WASHC2A: variants seen among roughly 807,000 people sequenced by gnomAD.
WASHC2A encodes WASH complex subunit 2A, also known as WASH complex subunit FAM21A.
In WASHC2A, 82 loss-of-function variants were observed where a neutral mutation model predicts 140.3. The ratio of observed to expected loss-of-function variants is 0.58; its 90% CI spans 0.49 to 0.70. The LOEUF is 0.70. Ranked by LOEUF, WASHC2A falls within the 30% of genes least tolerant of loss-of-function variation. The pLI is 0.00. For synonymous variants in WASHC2A, 340 were observed against 560.8 expected, an observed-to-expected ratio of 0.61 and a Z score of 5.56; for missense variants, 985 against 1,521.8, an observed-to-expected ratio of 0.65 and a Z score of 5.87.
intron 8 of WASHC2A, 114 bp from the exon 9 acceptor site, chr10:50,090,662 A>T (rs1839850528): frequency 2.2e-6 from 2 of 908,174 alleles, no homozygotes; most frequent in Admixed American, 3.9e-5. Context: ...CATCATGTTT[A>T]TGATTATTAT....
chr10:50,092,343 G>A, intron 11 of WASHC2A, 110 bp downstream of exon 11: 7 of 1,426,154 alleles, frequency 4.9e-6, no homozygotes, highest in Non-Finnish European at 6.7e-6. Flanking sequence ...CTGACAAATG[G>A]GTCTGTCTCC....
chr10:50,083,648 C>T (rs1839125389), intron 5 of WASHC2A, among the ~76,000 whole-genome samples: 1 of 116,512 alleles, frequency 8.6e-6, no homozygotes, highest in Non-Finnish European at 1.7e-5. Flanking sequence ...ACACTGTTTC[C>T]TGGGTTCAAG....
chr10:50,132,523 T>A (rs2133145476), intron 30 of WASHC2A, among the ~76,000 whole-genome samples: 1 of 152,376 alleles, frequency 6.6e-6, no homozygotes, highest in East Asian at 1.9e-4. Context: ...TGGGCTGGTT[T>A]GGAGATCAAG....
At chr10:50,072,324 G>A (rs1237960696) in intron 3 of WASHC2A, among the ~76,000 whole-genome samples, 6 of 151,770 alleles carry the variant, frequency 4.0e-5, no homozygotes, top group African/African-American at 1.5e-4. Flanking sequence ...GCTGGTTGCC[G>A]CTGCCAAATC....
At chr10:50,103,063 T>G (rs1309578261) in intron 17 of WASHC2A, among the ~76,000 whole-genome samples, 1 of 149,496 alleles carries the variant, frequency 6.7e-6, no homozygotes, top group Non-Finnish European at 1.5e-5. Flanking sequence ...TAATATAGGC[T>G]GGTCTTGAAC....
At chr10:50,128,789 A>G (rs1251398468) in intron 28 of WASHC2A, among the ~76,000 whole-genome samples, 5 of 152,320 alleles carry the variant, frequency 3.3e-5, no homozygotes, top group African/African-American at 1.2e-4. Flanking sequence ...TTTGGAAACT[A>G]TCATAAATAC....
Position 50,118,022 on chromosome 10 carries a change from A to T in WASHC2A, c.2259A>T (p.Leu753Phe). 6.2e-7 allele frequency: 1 copy of T among 1,607,316 alleles called. No homozygotes were observed. The highest frequency in any genetic ancestry group is 8.5e-7 in the Non-Finnish European group (1 of 1,177,230). ...AGGTTGAGAGTGCCAAGGAGTCATT[A>T]AAATTTGGGAGAACTGATGTGGCTG... ...DKKVESAKESLKFGRTDVAES... is the reference protein window; with the variant it reads ...DKKVESAKESFKFGRTDVAES... The change falls in exon 22 of 31, where the codon TTA becomes TTT. Residue 753 changes from leucine to phenylalanine, a missense_variant. Leu to Phe is a conservative substitution (Grantham distance 22, BLOSUM62 0). Transcript: ENST00000282633.
chr10:50,102,316 G>A (rs1425673036), intron 17 of WASHC2A, among the ~76,000 whole-genome samples: 1 of 152,208 alleles, frequency 6.6e-6, no homozygotes, highest in Admixed American at 6.5e-5. Flanking sequence ...TGAGGCTGAA[G>A]CTTGCCCTGT....
chr10:50,078,732 G>A lies in WASHC2A; in HGVS notation c.349G>A (p.Glu117Lys). Residue 117 changes from glutamate (E) to lysine (K), a missense_variant, in exon 4 of 31, where the codon GAG becomes AAG. Coordinates refer to ENST00000282633, the MANE Select transcript of WASHC2A (RefSeq NM_001005751.3). ...ACTCAAGGCTGAGGCAGAAAAAACA[G>A]AGCAGGTACTTGTATAAAATCACTC... Reference protein sequence around the residue: ...PVLKAEAEKTEQEKTREQKEV... With the variant: ...PVLKAEAEKTKQEKTREQKEV... The A allele has an allele frequency of 3.7e-6, 6 of 1,611,922 alleles. No homozygotes were observed. The highest frequency in any genetic ancestry group is 1.1e-5 in the South Asian group (1 of 90,978).
At position 50,067,996 on chromosome 10, in the gene WASHC2A, G is replaced by C; in HGVS notation, c.-10G>C. The C allele has an allele frequency of 6.2e-7, 1 of 1,606,432 alleles. No homozygotes were observed. Among genetic ancestry groups the C allele is most frequent in the Non-Finnish European group, 8.5e-7 (1 of 1,177,752 alleles). ...GGCAGCTTCGGAGCCCACCGAGCCG[G>C]GCGGCTAGGATGGTGAGGGCGCCGG... On this transcript the variant is annotated 5_prime_UTR_variant, in exon 1 of 31. Coordinates refer to ENST00000282633, the MANE Select transcript of WASHC2A (RefSeq NM_001005751.3).
In WASHC2A at chr10:50,129,780, C is replaced by A; in HGVS notation, c.3449C>A (p.Pro1150His). The part of the protein sequence containing the change: ...TGSQSVERTK[P>H]KAKIAENPAN... Reference sequence around the variant, plus strand: ...TCTCAGTCTGTGGAGAGAACAAAACCCAAGGCAAAGATAGCAGAGAATCCT... The same window carrying A: ...TCTCAGTCTGTGGAGAGAACAAAACACAAGGCAAAGATAGCAGAGAATCCT... Residue 1150 changes from proline to histidine, a missense_variant, in exon 29 of 31, where the codon CCC becomes CAC. Physicochemically the swap from Pro to His is moderately conservative, Grantham distance 77 (BLOSUM62 -2). Transcript: ENST00000282633. The A allele has an allele frequency of 1.2e-6, 2 of 1,612,010 alleles. No individual in the cohort carries two copies. The highest frequency in any genetic ancestry group is 1.7e-6 in the Non-Finnish European group (2 of 1,179,856).
chr10:50,092,643 T>C (rs77063597), intron 11 of WASHC2A, among the ~76,000 whole-genome samples: 95,211 of 150,868 alleles, frequency 0.63, 30,217 homozygotes, highest in Middle Eastern at 0.71. Flanking sequence ...GGTGATGGTG[T>C]GAGACTCCAT....
intron 17 of WASHC2A, among the ~76,000 whole-genome samples, chr10:50,103,838 C>T (rs1841482997): frequency 6.6e-6 from 1 of 152,074 alleles, no homozygotes; most frequent in South Asian, 2.1e-4. Context: ...TGTAGCTCTC[C>T]TCCTCCTTAG....
chr10:50,102,982 A>T (rs1589230500), intron 17 of WASHC2A, among the ~76,000 whole-genome samples: 1 of 151,758 alleles, frequency 6.6e-6, no homozygotes, highest in Non-Finnish European at 1.5e-5. Context: ...TTCTCCTGCC[A>T]CAGCCTCCTG....
At position 50,131,361 on chromosome 10, in the gene WASHC2A, A is replaced by G. The variant is rs1482779228; in HGVS notation, c.3886+283A>G. On this transcript the variant is annotated intron_variant, in intron 30 of 30. Transcript: ENST00000282633. Reference sequence around the variant, plus strand: ...GTGCACCTCACCAATCATCTGTGACACACCCCGGTGTTATGAAAGGAGGTT... The same window carrying G: ...GTGCACCTCACCAATCATCTGTGACGCACCCCGGTGTTATGAAAGGAGGTT... 860 of 611,170 alleles carry G rather than the reference A, an allele frequency of 1.4e-3. 17 individuals carry two copies. The highest frequency in any genetic ancestry group is 2.3e-4 in the Non-Finnish European group (77 of 335,936). 37.9% of individuals were successfully genotyped at this position (611,170 alleles called of 1,614,324 possible).
Position 50,083,554 on chromosome 10 carries a change from CTTTTTTTTT to C in WASHC2A, c.529-506_529-498del, listed in dbSNP as rs1206903936. Reference sequence around the variant, plus strand: ...GTGTGATACAGCTTTACTTTGGTATCTTTTTTTTTTTTTTTTTTTTGAGATGGAGTTTTG... The same window carrying C: ...GTGTGATACAGCTTTACTTTGGTATCTTTTTTTTTTTGAGATGGAGTTTTG... On this transcript the variant is annotated intron_variant, in intron 5 of 30. Coordinates refer to ENST00000282633, the MANE Select transcript of WASHC2A (RefSeq NM_001005751.3). Among the ~76,000 whole-genome samples, 30 of 83,694 alleles carry C rather than the reference CTTTTTTTTT, an allele frequency of 3.6e-4. 5 individuals carry two copies. Among genetic ancestry groups the C allele is most frequent in the African/African-American group, 1.6e-3 (28 of 17,462 alleles). The allele number at this position is 83,694 out of a possible 152,430, so 54.9% of individuals were successfully genotyped here.
At chr10:50,076,924 T>C (rs551383638) in intron 3 of WASHC2A, among the ~76,000 whole-genome samples, 34 of 150,230 alleles carry the variant, frequency 2.3e-4, no homozygotes, top group Non-Finnish European at 3.5e-4. Flanking sequence ...ACCATCCTGG[T>C]TAACATGGTG....
chr10:50,071,443 C>G lies in WASHC2A; in HGVS notation c.291+1732C>G, dbSNP rs539802532. On this transcript the variant is annotated intron_variant, in intron 3 of 30. Coordinates refer to ENST00000282633, the MANE Select transcript of WASHC2A (RefSeq NM_001005751.3). ...GCCTCAGCCTTCCAAGTAGCTGGGA[C>G]TACAGGCGCGTGCCACCACGCCTGG... Among the ~76,000 whole-genome samples the G allele has an allele frequency of 6.6e-5, 10 of 152,006 alleles. No individual in the cohort carries two copies. In the South Asian group the frequency reaches 2.1e-3, roughly 32 times the overall value.
intron 17 of WASHC2A, among the ~76,000 whole-genome samples, chr10:50,102,428 T>TTCATTTGACAAATGTGATATTGACA (rs1841292755): frequency 6.6e-6 from 1 of 152,130 alleles, no homozygotes; most frequent in Admixed American, 6.6e-5. Context: ...TTGACATTTG[T>TTCATTTGACAAATGTGATATTGACA]TTTTGTTCTT....
Sources: gnomAD v4.1 joint callset for allele counts (sites outside exome capture counted in the v4.1 genomes callset) on GRCh38, gnomAD v4.1.1 for gene constraint, MANE v1.5 for transcripts, NCBI Gene and HGNC (gene_info 2026-07-23, HGNC 2026-07-21) for gene names.